The following ETV6 variants were observed in gnomAD, a reference collection of about 807,000 sequenced individuals.
ETV6 encodes ETS variant transcription factor 6.
Under a neutral mutation model 51.1 loss-of-function variants are expected in ETV6, and 16 were observed. That is an observed-to-expected ratio of 0.31 (90% CI 0.21 to 0.48). The LOEUF is 0.48. Among genes scored for constraint, ETV6 ranks in the 20% least tolerant of loss-of-function variants. The pLI, the probability that ETV6 is intolerant of heterozygous loss-of-function variation, is 0.99. For synonymous variants in ETV6, 240 were observed against 224.1 expected, an observed-to-expected ratio of 1.07 and a Z score of -0.64; for missense variants, 458 against 594.8, an observed-to-expected ratio of 0.77 and a Z score of 2.39.
chr12:11,659,421 T>C (rs186684286), intron 1 of ETV6, among the ~76,000 whole-genome samples: 318 of 152,302 alleles, frequency 2.1e-3, no homozygotes, highest in African/African-American at 7.4e-3. Flanking sequence ...TTAATACTCT[T>C]GAAGCAAGAG....
intron 1 of ETV6, among the ~76,000 whole-genome samples, chr12:11,722,651 A>G (rs1157537637): frequency 6.6e-6 from 1 of 152,160 alleles, no homozygotes; most frequent in Admixed American, 6.5e-5. Context: ...TTTCTCCTAA[A>G]ATGAAGAGAA....
At chr12:11,885,320 C>G (rs1203768115) in intron 6 of ETV6, among the ~76,000 whole-genome samples, 1 of 152,210 alleles carries the variant, frequency 6.6e-6, no homozygotes, top group Non-Finnish European at 1.5e-5. Flanking sequence ...GTGGGTAATG[C>G]AGACCATGAC....
intron 3 of ETV6, among the ~76,000 whole-genome samples, chr12:11,849,107 C>CATT (rs1946508417): frequency 1.5e-5 from 2 of 133,458 alleles, no homozygotes; most frequent in African/African-American, 5.4e-5. Context: ...ACTGTTTTGG[C>CATT]GTTGTTTGTT....
Position 11,808,358 on chromosome 12 carries a change from G to A in ETV6, c.164-30782G>A, listed in dbSNP as rs1442085280. On this transcript the variant is annotated intron_variant, in intron 2 of 7. Transcript: ENST00000396373. ...TAAAAAGAAAAAAGTACCTGACAAG[G>A]TATACAGTCTGCCCTTCATATCCGT... 2.0e-5 allele frequency among the ~76,000 whole-genome samples: 3 copies of A among 151,464 alleles called. No individual in the cohort carries two copies. In the East Asian group the frequency reaches 5.8e-4, roughly 29 times the overall value.
intron 1 of ETV6, chr12:11,751,281 C>T (rs1866020968): frequency 1.9e-6 from 1 of 513,646 alleles, no homozygotes; most frequent in Admixed American, 2.0e-5. Flanking sequence ...AAAGAACTAT[C>T]TTTCCAAAAC....
chr12:11,865,716 A>G (rs903084856), intron 4 of ETV6, among the ~76,000 whole-genome samples: 2 of 149,054 alleles, frequency 1.3e-5, no homozygotes, highest in Admixed American at 6.7e-5. Flanking sequence ...TATATATACT[A>G]TATATCATAC....
At chr12:11,653,642 C>T (rs370931023) in intron 1 of ETV6, among the ~76,000 whole-genome samples, 1 of 152,002 alleles carries the variant, frequency 6.6e-6, no homozygotes, top group Non-Finnish European at 1.5e-5. Flanking sequence ...AGGAGGCCAG[C>T]CCCCTTTCCT....
intron 2 of ETV6, among the ~76,000 whole-genome samples, chr12:11,810,943 C>G (rs1023622018): frequency 1.8e-4 from 27 of 149,464 alleles, no homozygotes; most frequent in African/African-American, 3.2e-4. Context: ...ACAGGCAGCT[C>G]TTTTTTTTTT....
At chr12:11,689,496 G>A (rs1247743352) in intron 1 of ETV6, among the ~76,000 whole-genome samples, 1 of 151,988 alleles carries the variant, frequency 6.6e-6, no homozygotes, top group Non-Finnish European at 1.5e-5. Flanking sequence ...GTCTTCTCCA[G>A]GAGAAAAAAC....
At chr12:11,699,297 A>G (rs1282147845) in intron 1 of ETV6, among the ~76,000 whole-genome samples, 2 of 152,234 alleles carry the variant, frequency 1.3e-5, no homozygotes, top group African/African-American at 4.8e-5. Flanking sequence ...GAGCTAAAAC[A>G]TGCAAACTCT....
intron 2 of ETV6, among the ~76,000 whole-genome samples, chr12:11,834,855 G>A (rs755728887): frequency 4.6e-5 from 7 of 152,158 alleles, no homozygotes; most frequent in Non-Finnish European, 1.0e-4. Flanking sequence ...AGGGAATAGA[G>A]ATCACATACT....
Position 11,869,274 on chromosome 12 carries a change from T to G in ETV6, c.464-150T>G. 1 of 673,658 alleles carries G rather than the reference T, an allele frequency of 1.5e-6. No individual in the cohort carries two copies. The highest frequency in any genetic ancestry group is 2.5e-6 in the Non-Finnish European group (1 of 402,110). The allele number at this position is 673,658 out of a possible 1,614,324, so 41.7% of individuals were successfully genotyped here. On this transcript the variant is annotated intron_variant, in intron 4 of 7. Coordinates refer to ENST00000396373, the MANE Select transcript of ETV6 (RefSeq NM_001987.5). This position sits in a 1 kb window ranked among gnomAD's most constrained non-coding sequence, Gnocchi z 5.0. Reference sequence around the variant, plus strand: ...AAAAAAATATGCACCCTTCAAATTGTTAAGCAGTGAAAAAGACACTGCATT... The same window carrying G: ...AAAAAAATATGCACCCTTCAAATTGGTAAGCAGTGAAAAAGACACTGCATT...
At chr12:11,802,117 G>C (rs932711032) in intron 2 of ETV6, among the ~76,000 whole-genome samples, 2 of 152,190 alleles carry the variant, frequency 1.3e-5, no homozygotes, top group Admixed American at 1.3e-4. Flanking sequence ...GGCCACTGCC[G>C]GGGGCTGATA....
intron 2 of ETV6, chr12:11,769,104 G>C (rs1945204502): frequency 8.0e-6 from 3 of 373,606 alleles, no homozygotes; most frequent in South Asian, 6.1e-5. Context: ...GTGCCCAGTA[G>C]AGTAGTAATT....
chr12:11,875,662 GA>G (rs1326918885), intron 5 of ETV6, among the ~76,000 whole-genome samples: 1 of 152,204 alleles, frequency 6.6e-6, no homozygotes, highest in Non-Finnish European at 1.5e-5. Context: ...AAGGAACTGA[GA>G]TTGAGACACA....
intron 1 of ETV6, among the ~76,000 whole-genome samples, chr12:11,748,103 C>T (rs977112090): frequency 6.6e-6 from 1 of 152,218 alleles, no homozygotes; most frequent in African/African-American, 2.4e-5. Context: ...CTGGTGCCTG[C>T]TGTTTTCCAT....
intron 1 of ETV6, among the ~76,000 whole-genome samples, chr12:11,673,605 A>G (rs559846927): frequency 6.6e-6 from 1 of 152,282 alleles, no homozygotes; most frequent in African/African-American, 2.4e-5. Context: ...GGATGAGTGA[A>G]TCATTCCTTC....
intron 2 of ETV6, among the ~76,000 whole-genome samples, chr12:11,830,852 A>C (rs1225702571): frequency 6.6e-6 from 1 of 152,252 alleles, no homozygotes; most frequent in African/African-American, 2.4e-5. Context: ...TTTGCACTCA[A>C]ATCTGACAAA....
chr12:11,877,194 C>T (rs999759880), intron 5 of ETV6, among the ~76,000 whole-genome samples: 17 of 152,136 alleles, frequency 1.1e-4, no homozygotes, highest in African/African-American at 4.1e-4. Context: ...TCCTCAGGGG[C>T]TTCAAGGACT....
Sources: gnomAD v4.1 joint callset for allele counts (sites outside exome capture counted in the v4.1 genomes callset) on GRCh38, gnomAD v4.1.1 for gene constraint, Gnocchi (gnomAD v3.1) non-coding constraint, MANE v1.5 for transcripts, NCBI Gene and HGNC (gene_info 2026-07-23, HGNC 2026-07-21) for gene names.